TET3: variants seen among roughly 807,000 people sequenced by gnomAD.
The protein encoded by TET3 is methylcytosine dioxygenase TET3.
TET3 carries 19 observed loss-of-function variants against 141.4 expected under a neutral mutation model. The ratio of observed to expected loss-of-function variants is 0.13; its 90% CI spans 0.09 to 0.20. The LOEUF (loss-of-function observed/expected upper bound fraction) is 0.20. Ranked by LOEUF, TET3 falls within the 10% of genes least tolerant of loss-of-function variation. The probability of loss-of-function intolerance (pLI) is 1.00; values close to 1 mark genes in which losing one functional copy is unlikely to be tolerated. For missense variants in TET3, 1,874 were observed against 2,356.9 expected, an observed-to-expected ratio of 0.80 and a Z score of 4.24; for synonymous variants, 1,043 against 980.9, an observed-to-expected ratio of 1.06 and a Z score of -1.18.
chr2:74,033,357 A>T (rs1308365520), intron 3 of TET3, among the ~76,000 whole-genome samples: 1 of 152,208 alleles, frequency 6.6e-6, no homozygotes, highest in Admixed American at 6.6e-5. Context: ...AAATTGGGCA[A>T]TATTTTGAAT....
chr2:74,133,512 T>A, the TET3 span, among the ~76,000 whole-genome samples: 1 of 152,198 alleles, frequency 6.6e-6, no homozygotes, highest in East Asian at 1.9e-4. Flanking sequence ...ATGGCTCTTG[T>A]CCTGGCAGAA....
At chr2:74,018,765 T>C (rs2105230782) in intron 3 of TET3, among the ~76,000 whole-genome samples, 1 of 151,834 alleles carries the variant, frequency 6.6e-6, no homozygotes, top group South Asian at 2.1e-4. Context: ...TTTTTTGGCA[T>C]TTCTTTCTCC....
chr2:74,055,751 GATTA>G (rs1573804836), intron 4 of TET3, among the ~76,000 whole-genome samples: 1 of 152,130 alleles, frequency 6.6e-6, no homozygotes, highest in African/African-American at 2.4e-5. Context: ...CTCATGAATG[GATTA>G]ATTCATTCAT....
At chr2:74,125,446 T>A in the TET3 span, among the ~76,000 whole-genome samples, 1 of 152,244 alleles carries the variant, frequency 6.6e-6, no homozygotes, top group Non-Finnish European at 1.5e-5. Context: ...TTTCCTTGGC[T>A]AGTTTTGACT....
Position 74,051,488 on chromosome 2 carries a change from C to T in TET3, c.2494+3077C>T, listed in dbSNP as rs552213132. 7.0e-4 allele frequency among the ~76,000 whole-genome samples: 107 copies of T among 152,246 alleles called. 1 individual carries two copies. The highest frequency in any genetic ancestry group is 2.5e-3 in the African/African-American group (105 of 41,538). On this transcript the variant is annotated intron_variant, in intron 4 of 11. Coordinates refer to ENST00000409262, the MANE Select transcript of TET3 (RefSeq NM_001287491.2). ...GGATGACCTTTCCCTCATGTGTTTT[C>T]TGAATTTTCTACAATGAAATTTGTG...
intron 5 of TET3, 101 bp downstream of exon 5, chr2:74,073,740 A>G: frequency 1.1e-6 from 1 of 922,860 alleles, no homozygotes; most frequent in East Asian, 2.9e-5. Context: ...CAGACAATAT[A>G]CAGAAAGGAA....
chr2:74,075,915 A>G (rs1689479604), intron 5 of TET3, among the ~76,000 whole-genome samples: 1 of 152,164 alleles, frequency 6.6e-6, no homozygotes, highest in Non-Finnish European at 1.5e-5. Context: ...TGTAGTTTGC[A>G]GATTAGACCA....
chr2:74,068,505 A>C (rs561352255), intron 4 of TET3, among the ~76,000 whole-genome samples: 3 of 152,328 alleles, frequency 2.0e-5, no homozygotes, highest in African/African-American at 7.2e-5. Context: ...AGTCCATAAT[A>C]ATGGACATTT....
rs774414065 is a variant in TET3 at position 74,046,784 on chromosome 2, G to A, written c.867G>A (p.Lys289=). 1.9e-6 allele frequency: 3 copies of A among 1,613,464 alleles called. No individual in the cohort carries two copies. The East Asian group carries it at 6.7e-5, about 36-fold the overall frequency. ...ACTACCTCGAGTGGCTGGAGGGGAA[G>A]ATCAAGTCTGTGGTCATGGAAGGAG... ...CPDYLEWLEG[K]IKSVVMEGGE... Residue 289 remains lysine (K), a synonymous_variant, in exon 4 of 12, where the codon AAG becomes AAA. Transcript: ENST00000409262. This position sits in a 1 kb window ranked among gnomAD's most constrained non-coding sequence, Gnocchi z 4.3.
chr2:74,052,007 TCTCG>T (rs750823809), intron 4 of TET3, among the ~76,000 whole-genome samples: 1 of 152,216 alleles, frequency 6.6e-6, no homozygotes, highest in Non-Finnish European at 1.5e-5. Flanking sequence ...GCCACATGCT[TCTCG>T]CTCTGTTGCC....
At chr2:74,034,989 A>C (rs1003039738) in intron 3 of TET3, among the ~76,000 whole-genome samples, 3 of 151,224 alleles carry the variant, frequency 2.0e-5, no homozygotes, top group African/African-American at 7.3e-5. Context: ...CAGTAGACCA[A>C]GACCATCCTG....
chr2:74,061,462 G>C (rs557993877), intron 4 of TET3, among the ~76,000 whole-genome samples: 3 of 145,740 alleles, frequency 2.1e-5, no homozygotes, highest in Admixed American at 2.0e-4. Flanking sequence ...CTGGCAGGGC[G>C]GGGGACTGAC....
chr2:74,059,893 A>AT (rs930563856), intron 4 of TET3, among the ~76,000 whole-genome samples: 2 of 151,994 alleles, frequency 1.3e-5, no homozygotes, highest in East Asian at 1.9e-4. Context: ...ACAGCATTCC[A>AT]TTTTTTGAAT....
chr2:74,081,636 GCTGA>G (rs1258541356), intron 6 of TET3, among the ~76,000 whole-genome samples: 5 of 152,312 alleles, frequency 3.3e-5, no homozygotes, highest in African/African-American at 1.2e-4. Context: ...CAGACCCGTG[GCTGA>G]CTGTGAGGGA....
intron 2 of TET3, among the ~76,000 whole-genome samples, chr2:73,988,756 A>G (rs1684171221): frequency 6.6e-6 from 1 of 152,192 alleles, no homozygotes; most frequent in African/African-American, 2.4e-5. Flanking sequence ...TAGAGAAACA[A>G]AAGGGGACAG....
chr2:74,066,049 G>A (rs1381835908), intron 4 of TET3, among the ~76,000 whole-genome samples: 3 of 152,152 alleles, frequency 2.0e-5, no homozygotes, highest in Non-Finnish European at 2.9e-5. Context: ...GAGCCACCGC[G>A]CCTGGCCCAC....
rs182974017 is a variant in TET3 at position 74,065,604 on chromosome 2, G to A, written c.2495-7945G>A. On this transcript the variant is annotated intron_variant, in intron 4 of 11. Coordinates refer to ENST00000409262, the MANE Select transcript of TET3 (RefSeq NM_001287491.2). Reference sequence around the variant, plus strand: ...ACCTGGTTCGTCCGTCCTTCCTTCCGTCCGTCCGTCCGTCCGTCCTTCCTT... The same window carrying A: ...ACCTGGTTCGTCCGTCCTTCCTTCCATCCGTCCGTCCGTCCGTCCTTCCTT... Among the ~76,000 whole-genome samples the A allele has an allele frequency of 5.0e-5, 6 of 121,202 alleles. No individual in the cohort carries two copies. In the East Asian group the frequency reaches 6.3e-4, roughly 13 times the overall value. The allele number at this position is 121,202 out of a possible 152,430, so 79.5% of individuals were successfully genotyped here.
intron 4 of TET3, among the ~76,000 whole-genome samples, chr2:74,058,224 C>T (rs1053003463): frequency 5.9e-5 from 9 of 152,162 alleles, no homozygotes; most frequent in Middle Eastern, 6.8e-3. Context: ...CACCCCAAAA[C>T]GGGAAAATGT....
intron 4 of TET3, among the ~76,000 whole-genome samples, chr2:74,052,762 C>T (rs1471802677): frequency 6.6e-6 from 1 of 151,984 alleles, no homozygotes; most frequent in Non-Finnish European, 1.5e-5. Context: ...TCCAGTTACT[C>T]TGGAGGCTGA....
Sources: allele counts gnomAD v4.1 joint callset (sites outside exome capture counted in the v4.1 genomes callset), GRCh38; gene constraint gnomAD v4.1.1; non-coding constraint Gnocchi (gnomAD v3.1); transcripts MANE v1.5; gene names NCBI Gene and HGNC (gene_info 2026-07-23, HGNC 2026-07-21).